Variants in C6orf118 observed in about 807,000 individuals in gnomAD.
The protein encoded by C6orf118 is chromosome 6 open reading frame 118, also known as uncharacterized protein C6orf118.
A neutral mutation model predicts 50.2 loss-of-function variants in C6orf118; 50 were observed. That is an observed-to-expected ratio of 1.00 (90% CI 0.79 to 1.26). The LOEUF (loss-of-function observed/expected upper bound fraction) is 1.26. C6orf118 is among the 50% of genes most tolerant of loss of function. C6orf118 has a pLI of 0.00. For missense variants in C6orf118, 641 were observed against 578.7 expected, an observed-to-expected ratio of 1.11 and a Z score of -1.10; for synonymous variants, 239 against 230.9, an observed-to-expected ratio of 1.03 and a Z score of -0.32.
At position 165,301,959 on chromosome 6, in the gene C6orf118, A is replaced by G; in HGVS notation, c.363T>C (p.Ser121=). 6.2e-7 allele frequency: 1 copy of G among 1,613,812 alleles called. No individual in the cohort carries two copies. Among genetic ancestry groups the G allele is most frequent in the Non-Finnish European group, 8.5e-7 (1 of 1,179,992 alleles). The change falls in exon 2 of 9, where the codon AGT becomes AGC. Residue 121 remains serine (S), a synonymous_variant. Transcript: ENST00000230301. The part of the protein sequence containing the change: ...HFTIHTALVP[S]EAQDTPLFRY... ...TGAACAGCGGGGTGTCCTGGGCCTC[A>G]CTGGGGACCAGGGCCGTGTGGATGG...
intron 1 of C6orf118, among the ~76,000 whole-genome samples, chr6:165,302,815 C>A (rs1463129206): frequency 6.6e-6 from 1 of 152,158 alleles, no homozygotes; most frequent in African/African-American, 2.4e-5. Flanking sequence ...ACAGAGCCAA[C>A]CCCCAGGGCT....
chr6:165,293,602 A>G, intron 5 of C6orf118, 131 bp from the exon 6 acceptor site: 2 of 642,062 alleles, frequency 3.1e-6, no homozygotes. Context: ...AACACGACAG[A>G]TACTCTGAAG....
intron 2 of C6orf118, 139 bp downstream of exon 2, chr6:165,301,430 C>T (rs372706716): frequency 2.7e-5 from 33 of 1,231,218 alleles, no homozygotes; most frequent in Non-Finnish European, 3.1e-5. Context: ...AGGTCTGCAC[C>T]GAGAACACTG....
intron 5 of C6orf118, among the ~76,000 whole-genome samples, chr6:165,297,312 T>A (rs2128161180): frequency 6.7e-6 from 1 of 150,200 alleles, no homozygotes; most frequent in East Asian, 2.0e-4. Flanking sequence ...TCCCAGCTAC[T>A]CAGGAGGCTT....
chr6:165,288,286 T>C (rs887512700), intron 7 of C6orf118, among the ~76,000 whole-genome samples: 1 of 152,196 alleles, frequency 6.6e-6, no homozygotes, highest in African/African-American at 2.4e-5. Context: ...ATACAACAGA[T>C]GCTGGCAAAG....
At chr6:165,290,247 A>G (rs1780062852) in intron 6 of C6orf118, among the ~76,000 whole-genome samples, 180 bp from the exon 7 acceptor site, 1 of 152,188 alleles carries the variant, frequency 6.6e-6, no homozygotes, top group Non-Finnish European at 1.5e-5. Flanking sequence ...TTCCTCCTTT[A>G]ATTCATTCCT....
At chr6:165,297,082 G>A (rs1412869649) in intron 5 of C6orf118, among the ~76,000 whole-genome samples, 1 of 152,158 alleles carries the variant, frequency 6.6e-6, no homozygotes, top group African/African-American at 2.4e-5. Context: ...AGCTCCATCA[G>A]GGGAGGGCTA....
chr6:165,297,397 C>T (rs1372245963), intron 5 of C6orf118, among the ~76,000 whole-genome samples: 2 of 145,530 alleles, frequency 1.4e-5, no homozygotes, highest in Non-Finnish European at 3.0e-5. Flanking sequence ...GAGCAAGTCT[C>T]CATTAAAAAA....
At position 165,308,300 on chromosome 6, in the gene C6orf118, A is replaced by G. The variant is rs142265505; in HGVS notation, c.25+1262T>C. 7.0e-4 allele frequency among the ~76,000 whole-genome samples: 107 copies of G among 152,324 alleles called. 1 individual carries two copies. Among genetic ancestry groups the G allele is most frequent in the African/African-American group, 2.4e-3 (99 of 41,594 alleles). On this transcript the variant is annotated intron_variant, in intron 1 of 8. Transcript: ENST00000230301. ...TAATCTAATCACGTGAGCCCCTAAA[A>G]GCAGAGAAGTTTCTCTGGCAAGAGT...
intron 7 of C6orf118, among the ~76,000 whole-genome samples, chr6:165,286,486 T>C (rs1779907722): frequency 6.6e-6 from 1 of 152,092 alleles, no homozygotes; most frequent in Admixed American, 6.5e-5. Context: ...AAAGGAAAAC[T>C]TCAGGCCAAT....
chr6:165,302,532 G>C (rs979894244), intron 1 of C6orf118, among the ~76,000 whole-genome samples: 4 of 152,132 alleles, frequency 2.6e-5, no homozygotes, highest in Non-Finnish European at 5.9e-5. Context: ...CGAAAGCTCA[G>C]GACCGTCAAA....
chr6:165,302,320 T>A (rs375452786), intron 1 of C6orf118, 24 bp from the exon 2 acceptor site: 6 of 1,600,798 alleles, frequency 3.7e-6, no homozygotes, highest in Non-Finnish European at 5.1e-6. Flanking sequence ...AAAAGGAGGC[T>A]CTTAGGGATC....
chr6:165,293,920 G>C (rs1298940622), intron 5 of C6orf118, among the ~76,000 whole-genome samples: 1 of 152,150 alleles, frequency 6.6e-6, no homozygotes, highest in East Asian at 1.9e-4. Context: ...CAACAGATAC[G>C]ATTTACAAAT....
chr6:165,304,825 A>G (rs1421626185), intron 1 of C6orf118, among the ~76,000 whole-genome samples: 143 of 28,224 alleles, frequency 5.1e-3, no homozygotes, highest in Non-Finnish European at 6.7e-3. Context: ...ATAAAAGAGG[A>G]CACAAACAAA....
intron 7 of C6orf118, among the ~76,000 whole-genome samples, chr6:165,284,938 A>G (rs1779852406): frequency 2.0e-5 from 3 of 152,220 alleles, no homozygotes; most frequent in African/African-American, 7.2e-5. Flanking sequence ...TAGCATCATG[A>G]TGACAGGATC....
At chr6:165,298,146 G>A (rs1430064124) in intron 4 of C6orf118, 45 bp from the exon 5 acceptor site, 2 of 1,516,028 alleles carry the variant, frequency 1.3e-6, no homozygotes, top group South Asian at 1.3e-5. Context: ...ACACAGGGAG[G>A]GCGGGAGGAC....
intron 1 of C6orf118, among the ~76,000 whole-genome samples, chr6:165,308,123 A>G (rs972526765): frequency 3.9e-5 from 6 of 152,212 alleles, no homozygotes; most frequent in Non-Finnish European, 7.3e-5. Flanking sequence ...CATGCCTCAC[A>G]TGGACTCTGT....
intron 5 of C6orf118, among the ~76,000 whole-genome samples, chr6:165,294,707 G>C (rs1780230700): frequency 6.6e-6 from 1 of 152,074 alleles, no homozygotes; most frequent in Non-Finnish European, 1.5e-5. Flanking sequence ...GCAACATGGT[G>C]AAACCCCAGC....
At chr6:165,297,913 A>G (rs950793743) in intron 5 of C6orf118, 64 bp downstream of exon 5, 2 of 1,605,354 alleles carry the variant, frequency 1.2e-6, no homozygotes, top group Non-Finnish European at 1.7e-6. Flanking sequence ...GGCTTGTCAC[A>G]GCGGTTTCAG....
Sources: allele counts gnomAD v4.1 joint callset (sites outside exome capture counted in the v4.1 genomes callset), GRCh38; gene constraint gnomAD v4.1.1; transcripts MANE v1.5; gene names NCBI Gene and HGNC (gene_info 2026-07-23, HGNC 2026-07-21).